The following SUPT20H variants were observed in gnomAD, a reference collection of about 807,000 sequenced individuals.
SUPT20H encodes the protein transcription factor SPT20 homolog.
A neutral mutation model predicts 122.8 loss-of-function variants in SUPT20H; 82 were observed. The observed-to-expected ratio is 0.67, with a 90% CI of 0.56 to 0.80. The LOEUF is 0.80. Among genes scored for constraint, SUPT20H ranks in the 30% least tolerant of loss-of-function variants. The pLI, the probability that SUPT20H is intolerant of heterozygous loss-of-function variation, is 0.00. For synonymous variants in SUPT20H, 291 were observed against 313.0 expected (o/e 0.93, Z 0.74); for missense variants, 831 against 921.6 (o/e 0.90, Z 1.27).
Position 37,045,312 on chromosome 13 carries a change from AAACATG to A in SUPT20H, c.221_226del (p.Ser74_Cys75del). 1 of 1,613,778 alleles carries A rather than the reference AAACATG, an allele frequency of 6.2e-7. No homozygotes were observed. The highest frequency in any genetic ancestry group is 8.5e-7 in the Non-Finnish European group (1 of 1,179,784). ...ATTTCCTGGGTATAGATTGACCACT[AAACATG>A]ACAAAGTCTCTTGCATAACAAGCTT... is the stretch of plus-strand genomic sequence containing the variant. On this transcript the variant is annotated inframe_deletion, in exon 6 of 26. Transcript: ENST00000350612.
chr13:37,054,037 C>T (rs1156647968), intron 1 of SUPT20H, among the ~76,000 whole-genome samples: 5 of 152,100 alleles, frequency 3.3e-5, no homozygotes, highest in Non-Finnish European at 4.4e-5. Context: ...ATAAATTCCT[C>T]GACACATACA....
At chr13:37,021,240 C>T (rs1473845949) in intron 21 of SUPT20H, among the ~76,000 whole-genome samples, 2 of 152,202 alleles carry the variant, frequency 1.3e-5, no homozygotes, top group Admixed American at 6.5e-5. Context: ...GACTCACAGG[C>T]TTACCAAGTT....
chr13:37,040,424 T>A lies in SUPT20H; in HGVS notation c.548A>T (p.Asp183Val). 1 of 1,577,076 alleles carries A rather than the reference T, an allele frequency of 6.3e-7. No homozygotes were observed. Among genetic ancestry groups the A allele is most frequent in the Non-Finnish European group, 8.6e-7 (1 of 1,169,280 alleles). The change falls in exon 9 of 26, where the codon GAT becomes GTT. Residue 183 changes from aspartate (D) to valine (V), a missense_variant. Coordinates refer to ENST00000350612, the MANE Select transcript of SUPT20H (RefSeq NM_001014286.3). ...ACTAACCTGGGTCCATTTGTGGTTA[T>A]CACTTGTTATTGAATGTACATCACA... Reference protein sequence around the residue: ...LICDVHSITSDNHKWTQEDKL... With the variant: ...LICDVHSITSVNHKWTQEDKL...
chr13:37,040,592 A>C lies in SUPT20H; in HGVS notation c.497T>G (p.Leu166Ter), dbSNP rs757945837. 6.2e-7 allele frequency: 1 copy of C among 1,613,998 alleles called. No homozygotes were observed. Among genetic ancestry groups the C allele is most frequent in the South Asian group, 1.1e-5 (1 of 91,042 alleles). Residue 166 changes from leucine (L) to a stop codon, truncating the protein, a stop_gained, in exon 8 of 26, where the codon TTA becomes TGA. Coordinates refer to ENST00000350612, the MANE Select transcript of SUPT20H (RefSeq NM_001014286.3). LOFTEE classifies it high-confidence loss of function. ...SPGYQSRHIL[L>*]RPTMQTLICD... is the part of the protein sequence containing the mutation. ...CATCCTTACCTGCATTGTTGGACGT[A>C]AGAGAATGTGCCGACTTTGGTAACC...
chr13:37,046,285 A>T (rs895596672), intron 5 of SUPT20H, among the ~76,000 whole-genome samples: 3 of 152,182 alleles, frequency 2.0e-5, no homozygotes, highest in African/African-American at 7.2e-5. Context: ...TTAAAATGTT[A>T]GTCTTTTCAG....
rs1476936516 is a variant in SUPT20H at position 37,051,579 on chromosome 13, C to T, written c.-89G>A. The T allele has an allele frequency of 1.8e-5, 23 of 1,267,132 alleles. No homozygotes were observed. The South Asian group carries it at 2.6e-4, about 14-fold the overall frequency. The allele number at this position is 1,267,132 out of a possible 1,614,324, so 78.5% of individuals were successfully genotyped here. A position where few individuals can be genotyped will look rare whatever the true frequency, so the allele number is the denominator to read the frequency against. On this transcript the variant is annotated 5_prime_UTR_variant, in exon 2 of 26. Coordinates refer to ENST00000350612, the MANE Select transcript of SUPT20H (RefSeq NM_001014286.3). Reference sequence around the variant, plus strand: ...CACCATGCCTTTAACATCAATCTTACAGTACTGAAAAGCAAAAACAATAAA... The same window carrying T: ...CACCATGCCTTTAACATCAATCTTATAGTACTGAAAAGCAAAAACAATAAA...
Position 37,033,449 on chromosome 13 carries a change from C to T in SUPT20H, c.707G>A (p.Arg236Gln), listed in dbSNP as rs1443875360. The T allele has an allele frequency of 1.2e-6, 2 of 1,608,182 alleles. No individual in the cohort carries two copies. The highest frequency in any genetic ancestry group is 1.7e-5 in the Admixed American group (1 of 59,178). The change falls in exon 10 of 26, where the codon CGG becomes CAG. Residue 236 changes from arginine to glutamine, a missense_variant and splice_region_variant. By Grantham distance (43) the Arg-to-Gln change is conservative. Transcript: ENST00000350612. The stretch of plus-strand genomic sequence containing the variant: ...TTCACCCTTCCACAAAGGCAATTAC[C>T]GTTTCATTGGGCGAGTGTTCATCTT... Reference protein sequence around the residue: ...KQKMNTRPMKRCFKRYSRSSL... With the variant: ...KQKMNTRPMKQCFKRYSRSSL...
intron 1 of SUPT20H, among the ~76,000 whole-genome samples, chr13:37,055,493 C>T (rs1348826047): frequency 1.3e-5 from 2 of 152,142 alleles, no homozygotes; most frequent in Non-Finnish European, 2.9e-5. Flanking sequence ...CTTTGACAAA[C>T]CTGACCAAAA....
At position 37,044,237 on chromosome 13, in the gene SUPT20H, A is replaced by G. The variant is rs2066005952; in HGVS notation, c.293-56T>C. On this transcript the variant is annotated intron_variant, in intron 6 of 25. Transcript: ENST00000350612. Reference sequence around the variant, plus strand: ...TCATGCTCACTGAAAGCTTAGCTGTATAATTCAAATGGCTTTTCAAAGAAC... The same window carrying G: ...TCATGCTCACTGAAAGCTTAGCTGTGTAATTCAAATGGCTTTTCAAAGAAC... 5 of 1,361,538 alleles carry G rather than the reference A, an allele frequency of 3.7e-6. No homozygotes were observed. The East Asian group carries it at 7.0e-5, about 19-fold the overall frequency. The allele number at this position is 1,361,538 out of a possible 1,614,324, so 84.3% of individuals were successfully genotyped here. A position where few individuals can be genotyped will look rare whatever the true frequency, so the allele number is the denominator to read the frequency against.
At chr13:37,017,479 G>A in intron 22 of SUPT20H, 115 bp from the exon 23 acceptor site, 1 of 1,094,338 alleles carries the variant, frequency 9.1e-7, no homozygotes, top group Non-Finnish European at 1.3e-6. Context: ...TCTAGTTATT[G>A]AAGAAACAGG....
chr13:37,018,190 T>C (rs2060864438), intron 22 of SUPT20H, among the ~76,000 whole-genome samples: 1 of 152,114 alleles, frequency 6.6e-6, no homozygotes, highest in East Asian at 1.9e-4. Flanking sequence ...CATCATTAGG[T>C]AAATCTAGAC....
chr13:37,046,983 G>C (rs1021822141), intron 5 of SUPT20H: 3 of 152,076 alleles, frequency 2.0e-5, no homozygotes, highest in African/African-American at 7.2e-5. Flanking sequence ...CTTCCAACCC[G>C]AGGGCTCCAA....
chr13:37,028,578 TTAAA>T (rs2062736014), intron 13 of SUPT20H, among the ~76,000 whole-genome samples: 2 of 152,266 alleles, frequency 1.3e-5, no homozygotes, highest in African/African-American at 4.8e-5. Context: ...TAATACATCA[TTAAA>T]TACATTATTA....
chr13:37,021,436 C>T lies in SUPT20H; in HGVS notation c.1816+12G>A. The stretch of plus-strand genomic sequence containing the variant: ...AATTTTTTTTAGAGGTTATTATTTC[C>T]AACATTCTGACCTGCTTGAGAAGCT... On this transcript the variant is annotated intron_variant, in intron 21 of 25. Transcript: ENST00000350612. 1 of 1,576,638 alleles carries T rather than the reference C, an allele frequency of 6.3e-7. No individual in the cohort carries two copies.
chr13:37,019,244 A>C, intron 22 of SUPT20H, 98 bp downstream of exon 22: 1 of 829,184 alleles, frequency 1.2e-6, no homozygotes, highest in Non-Finnish European at 1.9e-6. Context: ...ATCTAAACAG[A>C]CCTCAGAATT....
At chr13:37,058,997 T>C (rs2069943650) in intron 1 of SUPT20H, among the ~76,000 whole-genome samples, 1 of 152,188 alleles carries the variant, frequency 6.6e-6, no homozygotes, top group Non-Finnish European at 1.5e-5. Context: ...CGGCCCCCAC[T>C]ACGCAGTGGC....
intron 13 of SUPT20H, among the ~76,000 whole-genome samples, chr13:37,029,160 T>C (rs2062841699): frequency 6.6e-6 from 1 of 152,100 alleles, no homozygotes; most frequent in Admixed American, 6.6e-5. Flanking sequence ...CTTAGAAGAA[T>C]TTATTAATTA....
At chr13:37,050,503 G>C (rs967730935) in intron 2 of SUPT20H, among the ~76,000 whole-genome samples, 1 of 151,890 alleles carries the variant, frequency 6.6e-6, no homozygotes, top group Non-Finnish European at 1.5e-5. Flanking sequence ...AAATACAGAA[G>C]GTTCTTTTAA....
intron 9 of SUPT20H, chr13:37,039,157 T>C (rs2065027329): frequency 6.6e-6 from 1 of 152,172 alleles, no homozygotes; most frequent in Non-Finnish European, 1.5e-5. Flanking sequence ...TTGCCAACAC[T>C]ATAGGCCTCT....
Sources: allele counts gnomAD v4.1 joint callset (sites outside exome capture counted in the v4.1 genomes callset), GRCh38; gene constraint gnomAD v4.1.1; transcripts MANE v1.5; gene names NCBI Gene and HGNC (gene_info 2026-07-23, HGNC 2026-07-21).